MAP2K1: variants seen among roughly 807,000 people sequenced by gnomAD.
The protein encoded by MAP2K1 is dual specificity mitogen-activated protein kinase kinase 1.
In MAP2K1, 16 loss-of-function variants were observed where a neutral mutation model predicts 46.3. The ratio of observed to expected loss-of-function variants is 0.35; its 90% confidence interval spans 0.23 to 0.52. The LOEUF is 0.52. Ranked by LOEUF, MAP2K1 falls within the 20% of genes least tolerant of loss-of-function variation. The pLI is 0.94. For missense variants in MAP2K1, 263 were observed against 497.1 expected (o/e 0.53, Z 4.48); for synonymous variants, 183 against 185.6 (o/e 0.99, Z 0.11).
chr15:66,425,413 AG>A (rs1216946707), intron 1 of MAP2K1, among the ~76,000 whole-genome samples: 2 of 152,072 alleles, frequency 1.3e-5, no homozygotes, highest in Non-Finnish European at 2.9e-5. Context: ...CCTTGACGCT[AG>A]CTGCTTGTGC....
In MAP2K1 at chr15:66,490,380, C is replaced by T. The variant is rs780908908; in HGVS notation, c.1069-122C>T. The T allele has an allele frequency of 1.0e-5, 8 of 791,386 alleles. No individual in the cohort carries two copies. In the East Asian group the frequency reaches 1.9e-4, roughly 19 times the overall value. 49.0% of individuals were successfully genotyped at this position (791,386 alleles called of 1,614,324 possible). A position where few individuals can be genotyped will look rare whatever the true frequency, so the allele number is the denominator to read the frequency against. ...CCCCACTGTTGCTCAGGGGCAGGTG[C>T]CAGGTGCTCTTTCCAAGTGCAGCAC... On this transcript the variant is annotated intron_variant, in intron 10 of 10. Transcript: ENST00000307102.
At chr15:66,458,909 C>T (rs1892240377) in intron 5 of MAP2K1, among the ~76,000 whole-genome samples, 1 of 152,104 alleles carries the variant, frequency 6.6e-6, no homozygotes, top group Admixed American at 6.6e-5. Context: ...TTGGGGCCAT[C>T]CTGCTTGGAG....
intron 5 of MAP2K1, among the ~76,000 whole-genome samples, chr15:66,475,051 T>TC (rs376660070): frequency 6.6e-6 from 1 of 152,142 alleles, no homozygotes; most frequent in Non-Finnish European, 1.5e-5. Flanking sequence ...GGCTTTTTTT[T>TC]CCCAATGCTC....
At chr15:66,478,259 T>A (rs895660347) in intron 5 of MAP2K1, among the ~76,000 whole-genome samples, 28 of 144,330 alleles carry the variant, frequency 1.9e-4, no homozygotes, top group Middle Eastern at 3.6e-3. Context: ...TATAAAAATC[T>A]GTGTATATAT....
At chr15:66,471,359 T>C (rs1892628021) in intron 5 of MAP2K1, among the ~76,000 whole-genome samples, 1 of 152,226 alleles carries the variant, frequency 6.6e-6, no homozygotes. Context: ...CCTCCTGATT[T>C]GAGTACTTAG....
At chr15:66,444,044 C>T (rs1261337162) in intron 4 of MAP2K1, among the ~76,000 whole-genome samples, 1 of 152,030 alleles carries the variant, frequency 6.6e-6, no homozygotes, top group Non-Finnish European at 1.5e-5. Flanking sequence ...TCGAGACCAG[C>T]CTGACCAACA....
chr15:66,407,380 C>T (rs752404), intron 1 of MAP2K1, among the ~76,000 whole-genome samples: 10,493 of 152,192 alleles, frequency 0.069, 1,188 homozygotes, highest in African/African-American at 0.24. Context: ...AGTCTTCAGG[C>T]TTCAGAATTT....
At chr15:66,480,685 T>G (rs1427476896) in intron 5 of MAP2K1, among the ~76,000 whole-genome samples, 1 of 152,170 alleles carries the variant, frequency 6.6e-6, no homozygotes, top group Non-Finnish European at 1.5e-5. Context: ...TTTCTGTGAT[T>G]TTCTAGATGT....
chr15:66,420,791 G>A (rs576399707), intron 1 of MAP2K1, among the ~76,000 whole-genome samples: 1,541 of 58,650 alleles, frequency 0.026, 227 homozygotes, highest in East Asian at 0.054. Flanking sequence ...ATATATATGT[G>A]TGTATATATA....
chr15:66,412,337 G>C (rs1195953773), intron 1 of MAP2K1, among the ~76,000 whole-genome samples: 3 of 152,132 alleles, frequency 2.0e-5, no homozygotes, highest in Admixed American at 2.0e-4. Context: ...TCTTTGAGCT[G>C]GTTCTTTGAC....
At chr15:66,484,067 G>C (rs1316724565) in intron 6 of MAP2K1, among the ~76,000 whole-genome samples, 1 of 151,662 alleles carries the variant, frequency 6.6e-6, no homozygotes, top group African/African-American at 2.4e-5. Context: ...CATTTGATTT[G>C]ATCTTCTTAG....
In MAP2K1 at chr15:66,404,258, A is replaced by G. The variant is rs569811513; in HGVS notation, c.80+16831A>G. 2.6e-5 allele frequency among the ~76,000 whole-genome samples: 4 copies of G among 152,292 alleles called. No homozygotes were observed. In the East Asian group the frequency reaches 5.8e-4, roughly 22 times the overall value. On this transcript the variant is annotated intron_variant, in intron 1 of 10. Transcript: ENST00000307102. ...GTCCCAGCCACTCGGGGGCTGAGGC[A>G]GGAGAATCACTTGAACCAGGGAGGT...
chr15:66,481,640 CG>C, intron 5 of MAP2K1, 114 bp from the exon 6 acceptor site: 4 of 1,205,550 alleles, frequency 3.3e-6, no homozygotes, highest in Admixed American at 1.7e-5. Flanking sequence ...TGATGGCGGA[CG>C]GGGGTGTGGT....
intron 1 of MAP2K1, among the ~76,000 whole-genome samples, chr15:66,420,996 T>C (rs865906183): frequency 1.4e-5 from 1 of 69,836 alleles, no homozygotes; most frequent in African/African-American, 5.2e-5. Context: ...CATACATACA[T>C]ATATACACGT....
At chr15:66,394,700 C>G (rs948796116) in intron 1 of MAP2K1, among the ~76,000 whole-genome samples, 24 of 152,128 alleles carry the variant, frequency 1.6e-4, no homozygotes, top group African/African-American at 5.5e-4. Context: ...ATCCTCCCTC[C>G]TTGGCCTCCC....
chr15:66,476,835 G>A (rs895316690), intron 5 of MAP2K1, among the ~76,000 whole-genome samples: 3 of 152,178 alleles, frequency 2.0e-5, no homozygotes, highest in African/African-American at 7.2e-5. Context: ...AGCAAGTGTG[G>A]GGTGCTGAGG....
chr15:66,404,554 A>G (rs2093391326), intron 1 of MAP2K1, among the ~76,000 whole-genome samples: 1 of 152,222 alleles, frequency 6.6e-6, no homozygotes, highest in East Asian at 1.9e-4. Flanking sequence ...CTTGTGTTCT[A>G]AATCACTGAA....
chr15:66,435,222 G>C lies in MAP2K1; in HGVS notation c.276G>C (p.Leu92=), dbSNP rs377323150. The change falls in exon 2 of 11, where the codon CTG becomes CTC. Residue 92 remains leucine, a synonymous_variant. Transcript: ENST00000307102. ...AGGTCTCCCACAAGCCTTCTGGCCT[G>C]GTCATGGCCAGAAAGGTGAGTTTGC... ...VFKVSHKPSG[L]VMARKLIHLE... 6.8e-6 allele frequency: 11 copies of C among 1,613,700 alleles called. No homozygotes were observed. In the Admixed American group the frequency reaches 1.3e-4, roughly 20 times the overall value.
intron 1 of MAP2K1, among the ~76,000 whole-genome samples, chr15:66,434,692 G>A (rs796416636): frequency 6.6e-6 from 1 of 152,188 alleles, no homozygotes; most frequent in Non-Finnish European, 1.5e-5. Context: ...TTAAACTGGG[G>A]TTTTAAAGCA....
Sources: allele counts gnomAD v4.1 joint callset (sites outside exome capture counted in the v4.1 genomes callset), GRCh38; gene constraint gnomAD v4.1.1; transcripts MANE v1.5; gene names NCBI Gene and HGNC (gene_info 2026-07-23, HGNC 2026-07-21).